The following TCF4 variants were observed in gnomAD, a reference collection of about 807,000 sequenced individuals.
The protein encoded by TCF4 is transcription factor 4.
Under a neutral mutation model 82.1 loss-of-function variants are expected in TCF4, and 3 were observed. That is an observed-to-expected ratio of 0.04 (90% confidence interval 0.02 to 0.09). TCF4 has a LOEUF of 0.09. Ranked by LOEUF, TCF4 falls within the 10% of genes least tolerant of loss-of-function variation. TCF4 has a pLI of 1.00. For missense variants in TCF4, 518 were observed against 852.7 expected (o/e 0.61, Z 4.89); for synonymous variants, 276 against 309.6 (o/e 0.89, Z 1.14).
intron 3 of TCF4, among the ~76,000 whole-genome samples, chr18:55,498,513 C>T (rs754856748): frequency 2.6e-5 from 4 of 152,176 alleles, no homozygotes; most frequent in Non-Finnish European, 5.9e-5. Context: ...AACTTACGAG[C>T]GTGAGACCAA....
intron 6 of TCF4, among the ~76,000 whole-genome samples, chr18:55,368,778 A>C (rs1168035981): frequency 1.3e-5 from 2 of 152,180 alleles, no homozygotes; most frequent in African/African-American, 4.8e-5. Flanking sequence ...TTTTAAGAAG[A>C]CTTCAAAGTC....
At position 55,351,843 on chromosome 18, in the gene TCF4, C is replaced by G. The variant is rs1441651897; in HGVS notation, c.370-840G>C. ...TATACTCTGCATTGAACACATTGTT[C>G]TTTTAATTATTCTGATATGCAATAA... On this transcript the variant is annotated intron_variant, in intron 6 of 19. Transcript: ENST00000354452. 3.3e-6 allele frequency: 3 copies of G among 919,106 alleles called. No individual in the cohort carries two copies. In the East Asian group the frequency reaches 3.5e-4, roughly 108 times the overall value. 56.9% of individuals were successfully genotyped at this position (919,106 alleles called of 1,614,324 possible).
chr18:55,464,216 T>A, intron 3 of TCF4, 79 bp from the exon 4 acceptor site: 1 of 1,229,122 alleles, frequency 8.1e-7, no homozygotes, highest in Non-Finnish European at 1.2e-6. Context: ...AATTAATGTT[T>A]CAAATTAATC....
chr18:55,440,056 A>G (rs1009298264), intron 5 of TCF4, among the ~76,000 whole-genome samples: 13 of 152,094 alleles, frequency 8.5e-5, no homozygotes, highest in African/African-American at 3.1e-4. Context: ...CTTACACAGC[A>G]TAACTTTGGG....
chr18:55,231,826 G>A (rs1248157877), intron 17 of TCF4: 1 of 152,216 alleles, frequency 6.6e-6, no homozygotes, highest in Non-Finnish European at 1.5e-5. Context: ...GTAGTCTTAG[G>A]ACAATTGGTT....
At chr18:55,279,677 G>C (rs2062143422) in intron 8 of TCF4, 21 bp from the exon 9 acceptor site, 12 of 1,613,730 alleles carry the variant, frequency 7.4e-6, no homozygotes, top group Non-Finnish European at 1.0e-5. Context: ...AGAACCAACT[G>C]AGTTTTGCTT....
intron 3 of TCF4, among the ~76,000 whole-genome samples, chr18:55,481,860 T>C (rs2096440522): frequency 6.6e-6 from 1 of 152,210 alleles, no homozygotes; most frequent in African/African-American, 2.4e-5. Flanking sequence ...AATCTTTAAA[T>C]CAGTGATTCT....
chr18:55,572,042 T>C (rs969281741), intron 3 of TCF4, among the ~76,000 whole-genome samples: 3 of 152,220 alleles, frequency 2.0e-5, no homozygotes. Flanking sequence ...CACTGCCCAC[T>C]TATCTCCACA....
chr18:55,498,629 G>A (rs755640370), intron 3 of TCF4, among the ~76,000 whole-genome samples: 35 of 152,186 alleles, frequency 2.3e-4, no homozygotes, highest in Non-Finnish European at 4.3e-4. Context: ...CTCTAGTGAA[G>A]AGAAATGGCT....
intron 6 of TCF4, chr18:55,383,781 A>G (rs1488902241): frequency 6.6e-6 from 1 of 152,260 alleles, no homozygotes; most frequent in Non-Finnish European, 1.5e-5. Flanking sequence ...GAAAAAGAGT[A>G]ACCCTCATCC....
intron 3 of TCF4, among the ~76,000 whole-genome samples, chr18:55,504,380 T>C (rs2096731966): frequency 1.3e-5 from 2 of 152,362 alleles, no homozygotes; most frequent in South Asian, 2.1e-4. Context: ...CCAGTAACTT[T>C]TGTGGCACTA....
chr18:55,408,241 G>A (rs1603449861), intron 5 of TCF4, among the ~76,000 whole-genome samples: 2 of 152,112 alleles, frequency 1.3e-5, no homozygotes, highest in Admixed American at 1.3e-4. Context: ...CCCGTGAAAC[G>A]CCTTGATGAA....
At chr18:55,394,185 T>C (rs963409573) in intron 6 of TCF4, among the ~76,000 whole-genome samples, 11 of 152,160 alleles carry the variant, frequency 7.2e-5, no homozygotes, top group Non-Finnish European at 1.3e-4. Flanking sequence ...ACTAAAAAGA[T>C]TCAGTGCCCT....
chr18:55,419,879 G>C (rs903858750), intron 5 of TCF4, among the ~76,000 whole-genome samples: 2 of 152,160 alleles, frequency 1.3e-5, no homozygotes, highest in Non-Finnish European at 2.9e-5. Context: ...AACAAATGTT[G>C]ATTTTGTTGC....
At chr18:55,535,807 A>G (rs1003532525) in intron 3 of TCF4, among the ~76,000 whole-genome samples, 5 of 152,216 alleles carry the variant, frequency 3.3e-5, no homozygotes, top group African/African-American at 1.2e-4. Flanking sequence ...GAGTTTCAGC[A>G]TTAAAAATCA....
At chr18:55,523,159 C>A (rs1363688822) in intron 3 of TCF4, among the ~76,000 whole-genome samples, 1 of 151,954 alleles carries the variant, frequency 6.6e-6, no homozygotes, top group Non-Finnish European at 1.5e-5. Flanking sequence ...AAACTAGTAA[C>A]ACAGAGAATA....
chr18:55,610,117 G>A lies in TCF4; in HGVS notation c.286+21181C>T, dbSNP rs540505948. 1.6e-4 allele frequency among the ~76,000 whole-genome samples: 24 copies of A among 152,236 alleles called. 1 individual carries two copies. The South Asian group carries it at 1.9e-3, about 12-fold the overall frequency. On this transcript the variant is annotated intron_variant, in intron 2 of 20. Transcript: ENST00000398339. Reference sequence around the variant, plus strand: ...CTGGCCAAATATTTTTGGAATGAGTGAATGAATAGAACTTGGATCCAGAAA... The same window carrying A: ...CTGGCCAAATATTTTTGGAATGAGTAAATGAATAGAACTTGGATCCAGAAA...
At chr18:55,390,299 A>C (rs951084152) in intron 6 of TCF4, among the ~76,000 whole-genome samples, 4 of 150,160 alleles carry the variant, frequency 2.7e-5, no homozygotes, top group African/African-American at 4.9e-5. Context: ...AAAAAAAAAA[A>C]AAAAAAAAAA....
chr18:55,467,170 A>G (rs990664502), intron 3 of TCF4, among the ~76,000 whole-genome samples: 20 of 152,324 alleles, frequency 1.3e-4, no homozygotes, highest in South Asian at 1.0e-3. Context: ...TCATTTATCC[A>G]TATCCATAGA....
Sources: gnomAD v4.1 joint callset for allele counts (sites outside exome capture counted in the v4.1 genomes callset) on GRCh38, gnomAD v4.1.1 for gene constraint, MANE v1.5 for transcripts, NCBI Gene and HGNC (gene_info 2026-07-23, HGNC 2026-07-21) for gene names.